BLM: variants seen among roughly 807,000 people sequenced by gnomAD.
The protein encoded by BLM is BLM RecQ like helicase.
BLM carries 95 observed loss-of-function variants against 135.3 expected under a neutral mutation model. That is an observed-to-expected ratio of 0.70 (90% confidence interval 0.59 to 0.83). BLM has a LOEUF of 0.83. Among genes scored for constraint, BLM ranks in the 40% least tolerant of loss-of-function variants. The probability of loss-of-function intolerance (pLI) is 0.00; values close to 1 mark genes in which losing one functional copy is unlikely to be tolerated. For synonymous variants in BLM, 520 were observed against 589.2 expected (o/e 0.88, Z 1.70); for missense variants, 1,518 against 1,663.9 (o/e 0.91, Z 1.53).
chr15:90,805,451 G>A (rs998006906), intron 19 of BLM, among the ~76,000 whole-genome samples: 1 of 151,712 alleles, frequency 6.6e-6, no homozygotes, highest in African/African-American at 2.4e-5. Flanking sequence ...TATAAGGCAG[G>A]CAAATAATCG....
At chr15:90,721,054 T>C (rs1240264704) in intron 1 of BLM, among the ~76,000 whole-genome samples, 1 of 152,178 alleles carries the variant, frequency 6.6e-6, no homozygotes, top group Admixed American at 6.5e-5. Context: ...AAAATCTAAA[T>C]AAATTATTTA....
chr15:90,727,456 C>CA (rs1894949158), intron 1 of BLM, among the ~76,000 whole-genome samples: 1 of 152,110 alleles, frequency 6.6e-6, no homozygotes, highest in Non-Finnish European at 1.5e-5. Context: ...AGCCTGCTTG[C>CA]AAAATTGGTC....
intron 1 of BLM, among the ~76,000 whole-genome samples, chr15:90,732,706 A>G (rs563251727): frequency 1.2e-4 from 19 of 152,276 alleles, no homozygotes; most frequent in African/African-American, 4.6e-4. Flanking sequence ...AGTTAGGAAA[A>G]GAAAAACAAG....
At chr15:90,718,483 G>T (rs1894668492) in intron 1 of BLM, among the ~76,000 whole-genome samples, 1 of 152,220 alleles carries the variant, frequency 6.6e-6, no homozygotes, top group East Asian at 1.9e-4. Context: ...TCACTGTCAA[G>T]ATTAAGGGAC....
chr15:90,738,845 A>G (rs1012522733), intron 1 of BLM, among the ~76,000 whole-genome samples: 4 of 152,330 alleles, frequency 2.6e-5, no homozygotes, highest in South Asian at 2.1e-4. Flanking sequence ...AGAAATTAGG[A>G]TGTGGAAAAA....
intron 1 of BLM, among the ~76,000 whole-genome samples, chr15:90,731,431 G>T (rs535681282): frequency 6.6e-6 from 1 of 152,092 alleles, no homozygotes; most frequent in Non-Finnish European, 1.5e-5. Context: ...TTTTGGAATC[G>T]TTTATGTAAA....
Position 90,809,258 on chromosome 15 carries a change from A to G in BLM, c.3873A>G (p.Pro1291=). 2 of 1,614,236 alleles carry G rather than the reference A, an allele frequency of 1.2e-6. No homozygotes were observed. The highest frequency in any genetic ancestry group is 1.1e-5 in the South Asian group (1 of 91,090). ...VLQKYSEWTS[P]AEDSSPGISL... ...AGAAATACTCTGAATGGACATCGCC[A>G]GGTTAGTACACAGCCATGTGTGTTC... Residue 1291 remains proline, a splice_region_variant and synonymous_variant, in exon 20 of 22, where the codon CCA becomes CCG. Transcript: ENST00000355112.
intron 2 of BLM, 83 bp downstream of exon 2, chr15:90,747,573 C>A: frequency 2.3e-6 from 2 of 872,758 alleles, no homozygotes; most frequent in Non-Finnish European, 1.9e-6. Context: ...TTAAACTCCC[C>A]CATTGTACAG....
intron 2 of BLM, among the ~76,000 whole-genome samples, chr15:90,748,799 C>G (rs1433739755): frequency 6.6e-6 from 1 of 151,440 alleles, no homozygotes; most frequent in Admixed American, 6.6e-5. Context: ...GCTCTGTCAC[C>G]CAGGCTGGAG....
At chr15:90,734,717 AGAG>A (rs1895164485) in intron 1 of BLM, among the ~76,000 whole-genome samples, 1 of 151,880 alleles carries the variant, frequency 6.6e-6, no homozygotes, top group African/African-American at 2.4e-5. Flanking sequence ...AGAGAGAGAG[AGAG>A]AGAGAGAGAG....
rs761589072 is a variant in BLM, at chr15:90,763,152, C to T, written c.2069C>T (p.Pro690Leu). ...GGTGAAGACTGTTTTATCCTGATGC[C>T]GACTGGTATGTATTTTTAGAAGTGA... is the stretch of plus-strand genomic sequence containing the variant. ...LLGEDCFILM[P>L]TGGGKSLCYQ... is the part of the protein sequence containing the mutation. Residue 690 changes from proline to leucine, a missense_variant, in exon 8 of 22, where the codon CCG (proline) becomes CTG (leucine). Pro to Leu is a moderately conservative substitution (Grantham distance 98, BLOSUM62 -3). Transcript: ENST00000355112. 14 of 1,613,700 alleles carry T rather than the reference C, an allele frequency of 8.7e-6. No homozygotes were observed. The highest frequency in any genetic ancestry group is 2.2e-5 in the East Asian group (1 of 44,868).
chr15:90,784,280 A>ACATACTGC (rs1896686522), intron 13 of BLM, among the ~76,000 whole-genome samples: 1 of 150,722 alleles, frequency 6.6e-6, no homozygotes, highest in East Asian at 1.9e-4. Context: ...GACTCTTGAT[A>ACATACTGC]CATACTGCCA....
chr15:90,766,993 C>A lies in BLM; in HGVS notation c.2277C>A (p.Ile759=). Reference sequence around the variant, plus strand: ...TCCAGTTATCAAAAAAAGACCCAATCATAAAACTTCTATATGTCACTCCAG... The same window carrying A: ...TCCAGTTATCAAAAAAAGACCCAATAATAAAACTTCTATATGTCACTCCAG... ...IYLQLSKKDP[I]IKLLYVTPEK... Residue 759 remains isoleucine (I), a synonymous_variant, in exon 10 of 22, where the codon ATC becomes ATA. Coordinates refer to ENST00000355112, the MANE Select transcript of BLM (RefSeq NM_000057.4). 1 of 1,589,120 alleles carries A rather than the reference C, an allele frequency of 6.3e-7. No individual in the cohort carries two copies. The highest frequency in any genetic ancestry group is 1.1e-5 in the South Asian group (1 of 89,742).
chr15:90,804,938 G>T (rs1897255083), intron 19 of BLM, among the ~76,000 whole-genome samples: 1 of 152,152 alleles, frequency 6.6e-6, no homozygotes, highest in African/African-American at 2.4e-5. Context: ...CCAGGTTCAA[G>T]CGATTCTTCT....
chr15:90,769,082 T>C (rs565913918), intron 10 of BLM, 51 bp from the exon 11 acceptor site: 6 of 1,361,334 alleles, frequency 4.4e-6, no homozygotes, highest in Non-Finnish European at 5.3e-6. Flanking sequence ...CACAGAATCA[T>C]GAGGTGATGT....
chr15:90,805,821 G>A lies in BLM; in HGVS notation c.3751+1462G>A, dbSNP rs561772397. ...GCTGGGATTACAGGCATGAGCCACC[G>A]CATCCGGCCGGATTATTGTAATTTC... On this transcript the variant is annotated intron_variant, in intron 19 of 21. Coordinates refer to ENST00000355112, the MANE Select transcript of BLM (RefSeq NM_000057.4). 1.6e-3 allele frequency among the ~76,000 whole-genome samples: 239 copies of A among 151,450 alleles called. 3 individuals carry two copies. The highest frequency in any genetic ancestry group is 5.3e-3 in the African/African-American group (218 of 41,382).
At chr15:90,719,590 G>C (rs891285655) in intron 1 of BLM, among the ~76,000 whole-genome samples, 2 of 152,080 alleles carry the variant, frequency 1.3e-5, no homozygotes, top group African/African-American at 4.8e-5. Context: ...GTGAGAGTCC[G>C]TCAGTCAATC....
intron 1 of BLM, among the ~76,000 whole-genome samples, chr15:90,734,720 G>T (rs1298548537): frequency 6.6e-6 from 1 of 150,600 alleles, no homozygotes; most frequent in Non-Finnish European, 1.5e-5. Context: ...GAGAGAGAGA[G>T]AGAGAGAGAG....
At chr15:90,790,870 A>G in intron 15 of BLM, 26 bp downstream of exon 15, 9 of 1,595,910 alleles carry the variant, frequency 5.6e-6, no homozygotes, top group Non-Finnish European at 7.7e-6. Context: ...TTGTAGAGAC[A>G]TTCTGTCATC....
Sources: allele counts gnomAD v4.1 joint callset (sites outside exome capture counted in the v4.1 genomes callset), GRCh38; gene constraint gnomAD v4.1.1; transcripts MANE v1.5; gene names NCBI Gene and HGNC (gene_info 2026-07-23, HGNC 2026-07-21).